Variants in HDAC9 observed in about 807,000 individuals in gnomAD.
HDAC9 encodes MEF-2 interacting transcription repressor (MITR) protein.
A neutral mutation model predicts 139.4 loss-of-function variants in HDAC9; 41 were observed. The ratio of observed to expected loss-of-function variants is 0.29; its 90% confidence interval spans 0.23 to 0.38. HDAC9 has a LOEUF of 0.38. Among genes scored for constraint, HDAC9 ranks in the 10% least tolerant of loss-of-function variants. The pLI is 1.00. For synonymous variants in HDAC9, 517 were observed against 476.2 expected, an observed-to-expected ratio of 1.09 and a Z score of -1.12; for missense variants, 1,147 against 1,297.0, an observed-to-expected ratio of 0.88 and a Z score of 1.78.
intron 1 of HDAC9, among the ~76,000 whole-genome samples, chr7:18,089,148 G>C (rs1380205986): frequency 6.6e-6 from 1 of 152,150 alleles, no homozygotes; most frequent in East Asian, 1.9e-4. Context: ...ATGCACATAA[G>C]GTTGTGCAGA....
chr7:18,183,146 A>G (rs980838155), intron 2 of HDAC9, among the ~76,000 whole-genome samples: 1 of 151,810 alleles, frequency 6.6e-6, no homozygotes, highest in South Asian at 2.1e-4. Context: ...AGTAGCTGGG[A>G]CTACAGGTGC....
intron 2 of HDAC9, among the ~76,000 whole-genome samples, chr7:18,546,643 T>C (rs956996983): frequency 2.6e-5 from 4 of 152,306 alleles, no homozygotes; most frequent in African/African-American, 9.6e-5. Flanking sequence ...TTTGCTTTGT[T>C]GGTATTTTGT....
intron 25 of HDAC9, among the ~76,000 whole-genome samples, chr7:18,995,177 G>A (rs559180232): frequency 6.6e-5 from 10 of 152,136 alleles, no homozygotes; most frequent in Admixed American, 1.3e-4. Context: ...TCACAAAAGC[G>A]TATTTAAATC....
chr7:18,136,437 G>A (rs1785424637), intron 1 of HDAC9, among the ~76,000 whole-genome samples: 1 of 151,632 alleles, frequency 6.6e-6, no homozygotes, highest in Non-Finnish European at 1.5e-5. Context: ...ATGGTTTTAG[G>A]TCTAACGTTT....
At chr7:18,603,141 T>C (rs1834447301) in intron 6 of HDAC9, among the ~76,000 whole-genome samples, 1 of 152,134 alleles carries the variant, frequency 6.6e-6, no homozygotes, top group Non-Finnish European at 1.5e-5. Flanking sequence ...TTCTGTTTAG[T>C]GTGAACATGT....
At chr7:18,861,551 A>C (rs564709217) in intron 21 of HDAC9, among the ~76,000 whole-genome samples, 1 of 152,120 alleles carries the variant, frequency 6.6e-6, no homozygotes, top group African/African-American at 2.4e-5. Flanking sequence ...CACTAATACT[A>C]TTCTCACAGA....
At position 18,666,210 on chromosome 7, in the gene HDAC9, T is replaced by C. The variant is rs769762749; in HGVS notation, c.1468-3T>C. The C allele has an allele frequency of 6.2e-7, 1 of 1,608,360 alleles. No homozygotes were observed. The highest frequency in any genetic ancestry group is 1.1e-5 in the South Asian group (1 of 90,514). On this transcript the variant is annotated splice_polypyrimidine_tract_variant and splice_region_variant and intron_variant, in intron 11 of 25. Coordinates refer to ENST00000686413, the MANE Select transcript of HDAC9 (RefSeq NM_178425.4). ...TTTTGAACCCCTGAACACTCTCTTC[T>C]AGCTGCTTTCGAAATCTATTGAACA...
rs181149899 is a variant in HDAC9 at position 18,398,526 on chromosome 7, T to A, written c.-41-97736T>A. On this transcript the variant is annotated intron_variant, in intron 1 of 3. Coordinates refer to the HDAC9 transcript ENST00000413509. ...AGCTTACAACATTTGCCTTTTTTTT[T>A]AACCTGGAAACATTGTGATGGACTT... Among the ~76,000 whole-genome samples, 34 of 152,310 alleles carry A rather than the reference T, an allele frequency of 2.2e-4. No homozygotes were observed. The East Asian group carries it at 6.2e-3, about 28-fold the overall frequency.
At chr7:18,427,835 T>C (rs1023572235) in intron 1 of HDAC9, among the ~76,000 whole-genome samples, 1 of 152,100 alleles carries the variant, frequency 6.6e-6, no homozygotes, top group Non-Finnish European at 1.5e-5. Flanking sequence ...GCAGCTCTTT[T>C]AGAAATTATT....
At chr7:18,817,296 AG>A (rs1170992110) in intron 17 of HDAC9, among the ~76,000 whole-genome samples, 2 of 152,108 alleles carry the variant, frequency 1.3e-5, no homozygotes, top group Non-Finnish European at 2.9e-5. Context: ...GGCCTCCCAA[AG>A]TGCTGGGTTT....
At chr7:18,991,443 C>G (rs1236649296) in intron 25 of HDAC9, among the ~76,000 whole-genome samples, 1 of 152,160 alleles carries the variant, frequency 6.6e-6, no homozygotes, top group Non-Finnish European at 1.5e-5. Context: ...CAAGACCATC[C>G]TGGCTAACAC....
intron 2 of HDAC9, among the ~76,000 whole-genome samples, chr7:18,521,495 A>G (rs1029538095): frequency 6.6e-5 from 10 of 152,188 alleles, no homozygotes; most frequent in Admixed American, 2.0e-4. Context: ...TTTGCACACC[A>G]TGAATAAAAT....
In HDAC9 at chr7:18,135,260, T is replaced by C. The variant is rs1294339749; in HGVS notation, c.-96-26969T>C. ...TTGTTTGCAAAAATTTCTTTCTTTT[T>C]TTTTTTTTTTTAAAAAGGTAGTATT... On this transcript the variant is annotated intron_variant, in intron 1 of 12. Coordinates refer to the HDAC9 transcript ENST00000417496. Among the ~76,000 whole-genome samples, 27 of 151,622 alleles carry C rather than the reference T, an allele frequency of 1.8e-4. No homozygotes were observed. The East Asian group carries it at 2.5e-3, about 14-fold the overall frequency.
chr7:18,107,617 A>T (rs1384604084), intron 1 of HDAC9, among the ~76,000 whole-genome samples: 1 of 152,178 alleles, frequency 6.6e-6, no homozygotes, highest in Admixed American at 6.5e-5. Context: ...ACTTTTTCTC[A>T]ACCTATACAC....
At chr7:18,605,960 G>A (rs981245690) in intron 6 of HDAC9, among the ~76,000 whole-genome samples, 100 of 152,106 alleles carry the variant, frequency 6.6e-4, no homozygotes, top group African/African-American at 2.3e-3. Flanking sequence ...GATTACAGGT[G>A]TGAGCCACCA....
intron 6 of HDAC9, among the ~76,000 whole-genome samples, chr7:18,622,998 G>T (rs1203459161): frequency 6.6e-6 from 1 of 151,876 alleles, no homozygotes; most frequent in African/African-American, 2.4e-5. Context: ...ACAAAAATTA[G>T]CTGGGTTTGG....
At chr7:18,640,140 A>G (rs1007232340) in intron 8 of HDAC9, among the ~76,000 whole-genome samples, 1 of 151,714 alleles carries the variant, frequency 6.6e-6, no homozygotes, top group Non-Finnish European at 1.5e-5. Context: ...GCTCACATCT[A>G]TAATCTCAGC....
chr7:18,483,612 C>G (rs1795748335), intron 1 of HDAC9, among the ~76,000 whole-genome samples: 1 of 152,096 alleles, frequency 6.6e-6, no homozygotes. Flanking sequence ...AAGCTTAATT[C>G]TAGAAAATTT....
chr7:18,748,796 G>T (rs1788199036), intron 13 of HDAC9, among the ~76,000 whole-genome samples: 1 of 152,198 alleles, frequency 6.6e-6, no homozygotes, highest in Non-Finnish European at 1.5e-5. Context: ...ACTGGTTAAT[G>T]CGTAAGTTCG....
Sources: allele counts gnomAD v4.1 joint callset (sites outside exome capture counted in the v4.1 genomes callset), GRCh38; gene constraint gnomAD v4.1.1; transcripts MANE v1.5; gene names NCBI Gene and HGNC (gene_info 2026-07-23, HGNC 2026-07-21).